The following OSBPL10 variants were observed in gnomAD, a reference collection of about 807,000 sequenced individuals.
OSBPL10 encodes the protein oxysterol-binding protein-related protein 10.
OSBPL10 carries 49 observed loss-of-function variants against 81.7 expected under a neutral mutation model. The observed-to-expected ratio is 0.60, with a 90% CI of 0.48 to 0.76. The LOEUF (loss-of-function observed/expected upper bound fraction) is 0.76, where lower values mean the gene tolerates loss of function less well. Among genes scored for constraint, OSBPL10 ranks in the 30% least tolerant of loss-of-function variants. The pLI is 0.00. For missense variants in OSBPL10, 923 were observed against 987.8 expected, an observed-to-expected ratio of 0.93 and a Z score of 0.88; for synonymous variants, 419 against 383.6, an observed-to-expected ratio of 1.09 and a Z score of -1.08.
At chr3:32,004,316 G>A (rs1699182218) in intron 2 of OSBPL10, among the ~76,000 whole-genome samples, 1 of 152,130 alleles carries the variant, frequency 6.6e-6, no homozygotes, top group Non-Finnish European at 1.5e-5. Flanking sequence ...GGAGCAGCAT[G>A]TGGTACTGGC....
chr3:32,037,768 T>C (rs966947335), intron 2 of OSBPL10: 1 of 155,510 alleles, frequency 6.4e-6, no homozygotes, highest in African/African-American at 2.4e-5. Context: ...GGGGGAAATC[T>C]GACACTTCCT....
chr3:32,008,749 G>A (rs1455805593), intron 2 of OSBPL10, among the ~76,000 whole-genome samples: 1 of 128,234 alleles, frequency 7.8e-6, no homozygotes, highest in Non-Finnish European at 1.6e-5. Flanking sequence ...GACAGAGTGA[G>A]ATCCTGACTG....
chr3:31,743,716 T>A lies in OSBPL10; in HGVS notation c.940+4194A>T, dbSNP rs1016129858. On this transcript the variant is annotated intron_variant, in intron 5 of 11. Transcript: ENST00000396556. ...GCAAAGAGCCATCAGGCAGGAACAA[T>A]CTGTATGGGTATTTGGTAATGCTTC... 6.6e-5 allele frequency among the ~76,000 whole-genome samples: 10 copies of A among 152,122 alleles called. 1 individual carries two copies. The highest frequency in any genetic ancestry group is 2.6e-4 in the Admixed American group (4 of 15,288).
At chr3:31,682,769 C>G (rs1217964729) in intron 8 of OSBPL10, among the ~76,000 whole-genome samples, 1 of 152,188 alleles carries the variant, frequency 6.6e-6, no homozygotes, top group African/African-American at 2.4e-5. Context: ...ATCATCAGAA[C>G]AGATCTTTTT....
intron 6 of OSBPL10, among the ~76,000 whole-genome samples, chr3:31,728,916 G>C (rs2125655510): frequency 6.6e-6 from 1 of 152,280 alleles, no homozygotes; most frequent in Non-Finnish European, 1.5e-5. Context: ...CCAAAAATCT[G>C]AAATCCAAAA....
At chr3:32,057,446 T>C (rs902845986) in intron 1 of OSBPL10, among the ~76,000 whole-genome samples, 2 of 152,166 alleles carry the variant, frequency 1.3e-5, no homozygotes, top group Non-Finnish European at 2.9e-5. Context: ...GGGTAATTTA[T>C]AAAGGAAAGA....
chr3:31,972,578 C>T (rs1218608325), intron 1 of OSBPL10, among the ~76,000 whole-genome samples: 1 of 152,128 alleles, frequency 6.6e-6, no homozygotes, highest in East Asian at 1.9e-4. Flanking sequence ...TTGCCCTGAA[C>T]ACAAGGCCAG....
chr3:31,786,849 C>G (rs74874232), intron 4 of OSBPL10, among the ~76,000 whole-genome samples: 21,976 of 152,170 alleles, frequency 0.14, 2,056 homozygotes, highest in African/African-American at 0.27. Flanking sequence ...ACGAGCTAGA[C>G]TTTTGTAGAT....
At chr3:31,990,012 G>C in intron 2 of OSBPL10, 1 of 1,614,178 alleles carries the variant, frequency 6.2e-7, no homozygotes, top group Non-Finnish European at 8.5e-7. Flanking sequence ...ATACTGGAGA[G>C]AAACCTTACA....
chr3:31,784,395 A>C (rs1420646462), intron 4 of OSBPL10, among the ~76,000 whole-genome samples: 1 of 151,738 alleles, frequency 6.6e-6, no homozygotes. Context: ...AGGAAAAGGA[A>C]AGGAAAAAGG....
At chr3:31,794,617 C>T (rs1037081633) in intron 4 of OSBPL10, 6 of 349,886 alleles carry the variant, frequency 1.7e-5, no homozygotes, top group Non-Finnish European at 3.4e-5. Flanking sequence ...GAACCTGGCA[C>T]TTTTATCTTC....
upstream of OSBPL10, among the ~76,000 whole-genome samples, chr3:31,984,150 G>C (rs748903289): frequency 2.0e-5 from 3 of 152,078 alleles, no homozygotes; most frequent in Non-Finnish European, 2.9e-5. Context: ...TCATTCTCCT[G>C]CCTCACAGCT....
chr3:31,865,994 A>C (rs1279438624), intron 3 of OSBPL10, among the ~76,000 whole-genome samples: 1 of 152,152 alleles, frequency 6.6e-6, no homozygotes, highest in South Asian at 2.1e-4. Context: ...GAGTCTACAG[A>C]TGTCACTGGG....
At chr3:31,886,550 C>T (rs531245736) in intron 1 of OSBPL10, among the ~76,000 whole-genome samples, 2 of 152,352 alleles carry the variant, frequency 1.3e-5, no homozygotes, top group East Asian at 3.9e-4. Context: ...GACGCATCTG[C>T]TCCAAACTGC....
chr3:31,693,543 T>C (rs753924397), intron 7 of OSBPL10, among the ~76,000 whole-genome samples: 1 of 152,220 alleles, frequency 6.6e-6, no homozygotes, highest in African/African-American at 2.4e-5. Flanking sequence ...GGTGAGAACA[T>C]GATGTCTGCT....
intron 3 of OSBPL10, among the ~76,000 whole-genome samples, chr3:31,855,505 C>T (rs908677932): frequency 6.6e-6 from 1 of 152,200 alleles, no homozygotes; most frequent in Non-Finnish European, 1.5e-5. Flanking sequence ...GAACCTGTCA[C>T]CACCTGGCAC....
Position 32,034,006 on chromosome 3 carries a change from T to A in OSBPL10, n.298+12485A>T, listed in dbSNP as rs1220828889. Among the ~76,000 whole-genome samples, 3 of 152,160 alleles carry A rather than the reference T, an allele frequency of 2.0e-5. No individual in the cohort carries two copies. In the East Asian group the frequency reaches 5.8e-4, roughly 29 times the overall value. ...TAGGGACACCTTAGGAAACTTACAA[T>A]CATGGCGGCTGGCAAAGAAGTAGGC... On this transcript the variant is annotated intron_variant and non_coding_transcript_variant, in intron 2 of 3. Coordinates refer to the OSBPL10 transcript ENST00000479173.
chr3:31,673,317 T>TA (rs1389347418), intron 8 of OSBPL10, among the ~76,000 whole-genome samples: 3 of 152,196 alleles, frequency 2.0e-5, no homozygotes, highest in Non-Finnish European at 4.4e-5. Context: ...ATCTTACTTC[T>TA]TTGAATTGGG....
chr3:31,750,767 G>T (rs1481957238), intron 4 of OSBPL10, among the ~76,000 whole-genome samples: 1 of 152,062 alleles, frequency 6.6e-6, no homozygotes, highest in East Asian at 1.9e-4. Context: ...ATAATCTTAA[G>T]ATTTTATTCA....
Sources: gnomAD v4.1 joint callset for allele counts (sites outside exome capture counted in the v4.1 genomes callset) on GRCh38, gnomAD v4.1.1 for gene constraint, MANE v1.5 for transcripts, NCBI Gene and HGNC (gene_info 2026-07-23, HGNC 2026-07-21) for gene names.